Variants in NLGN1 observed in about 807,000 individuals in gnomAD.
The protein encoded by NLGN1 is neuroligin-1.
Under a neutral mutation model 65.5 loss-of-function variants are expected in NLGN1, and 12 were observed. The observed-to-expected ratio is 0.18, with a 90% CI of 0.12 to 0.30. The LOEUF is 0.30. Ranked by LOEUF, NLGN1 falls within the 10% of genes least tolerant of loss-of-function variation. NLGN1 has a pLI of 1.00. For synonymous variants in NLGN1, 350 were observed against 359.5 expected, an observed-to-expected ratio of 0.97 and a Z score of 0.30; for missense variants, 750 against 1,007.1, an observed-to-expected ratio of 0.74 and a Z score of 3.46.
intron 3 of NLGN1, among the ~76,000 whole-genome samples, chr3:173,680,182 G>T (rs1264122026): frequency 6.6e-6 from 1 of 152,060 alleles, no homozygotes; most frequent in Non-Finnish European, 1.5e-5. Context: ...TTCTTAGCGG[G>T]GTAGTGGTAT....
chr3:173,658,529 A>G (rs191275886), intron 3 of NLGN1, among the ~76,000 whole-genome samples: 5 of 152,164 alleles, frequency 3.3e-5, no homozygotes, highest in Non-Finnish European at 5.9e-5. Flanking sequence ...TTAATTTGGA[A>G]ATAGCATAGA....
intron 4 of NLGN1, among the ~76,000 whole-genome samples, chr3:174,013,289 A>G (rs1331935805): frequency 6.6e-6 from 1 of 152,168 alleles, no homozygotes; most frequent in Admixed American, 6.5e-5. Context: ...ATATTTTGTC[A>G]TAAAGACTTT....
At chr3:174,174,199 C>A (rs1286444422) in intron 4 of NLGN1, among the ~76,000 whole-genome samples, 1 of 151,884 alleles carries the variant, frequency 6.6e-6, no homozygotes, top group East Asian at 1.9e-4. Context: ...TATATATATA[C>A]CACAGTTTCT....
At chr3:174,033,755 C>T (rs1180508479) in intron 4 of NLGN1, among the ~76,000 whole-genome samples, 1 of 152,000 alleles carries the variant, frequency 6.6e-6, no homozygotes, top group African/African-American at 2.4e-5. Context: ...ACTTCCAAAA[C>T]TGAAATGCAA....
At chr3:173,969,040 G>T (rs1181387038) in intron 4 of NLGN1, among the ~76,000 whole-genome samples, 1 of 147,962 alleles carries the variant, frequency 6.8e-6, no homozygotes, top group Non-Finnish European at 1.5e-5. Flanking sequence ...TTACTTGGAT[G>T]AGAAAAGAAT....
chr3:174,111,800 C>A (rs1715281291), intron 4 of NLGN1, among the ~76,000 whole-genome samples: 1 of 151,790 alleles, frequency 6.6e-6, no homozygotes. Context: ...TTAAAATAAT[C>A]AATTAAATGA....
chr3:173,759,770 A>G (rs1777687484), intron 3 of NLGN1, among the ~76,000 whole-genome samples: 1 of 151,956 alleles, frequency 6.6e-6, no homozygotes. Context: ...GGATGTCAGC[A>G]TTCTTATCAA....
At chr3:173,403,422 G>A (rs540159809) in intron 1 of NLGN1, among the ~76,000 whole-genome samples, 1 of 152,162 alleles carries the variant, frequency 6.6e-6, no homozygotes, top group African/African-American at 2.4e-5. Context: ...GATAATATGA[G>A]AAATGACTGA....
At chr3:173,772,267 A>T (rs1292405844) in intron 3 of NLGN1, among the ~76,000 whole-genome samples, 4 of 152,102 alleles carry the variant, frequency 2.6e-5, no homozygotes, top group Non-Finnish European at 5.9e-5. Flanking sequence ...TTAAAATCAA[A>T]TTTGTTCACA....
chr3:174,071,011 C>T (rs910586573), intron 4 of NLGN1, among the ~76,000 whole-genome samples: 2 of 151,908 alleles, frequency 1.3e-5, no homozygotes, highest in African/African-American at 2.4e-5. Context: ...GTCATGATCA[C>T]GCCACTGTAC....
intron 3 of NLGN1, among the ~76,000 whole-genome samples, chr3:173,741,963 C>A (rs1160194830): frequency 6.6e-6 from 1 of 152,072 alleles, no homozygotes; most frequent in Non-Finnish European, 1.5e-5. Context: ...GGCCTTCCCA[C>A]CCCCTCTAGG....
chr3:173,465,773 A>G (rs1178921199), intron 2 of NLGN1, among the ~76,000 whole-genome samples: 1 of 152,234 alleles, frequency 6.6e-6, no homozygotes, highest in South Asian at 2.1e-4. Flanking sequence ...AAAATATGGT[A>G]GAACATGCAG....
intron 3 of NLGN1, among the ~76,000 whole-genome samples, chr3:173,730,844 G>GAGC (rs1311986906): frequency 6.6e-6 from 1 of 152,012 alleles, no homozygotes; most frequent in African/African-American, 2.4e-5. Context: ...CATCAGATTT[G>GAGC]AGCACCTGTA....
intron 4 of NLGN1, among the ~76,000 whole-genome samples, chr3:174,256,157 A>C (rs554309931): frequency 8.7e-4 from 132 of 152,254 alleles, no homozygotes; most frequent in African/African-American, 3.1e-3. Flanking sequence ...TTATTTATTT[A>C]TTATTTCATG....
intron 1 of NLGN1, among the ~76,000 whole-genome samples, chr3:173,402,792 A>T (rs923297023): frequency 6.6e-6 from 1 of 152,196 alleles, no homozygotes; most frequent in Admixed American, 6.5e-5. Flanking sequence ...TGCCTGAATG[A>T]CTAAAACTAT....
At chr3:173,690,809 T>C (rs995707005) in intron 3 of NLGN1, among the ~76,000 whole-genome samples, 1 of 152,148 alleles carries the variant, frequency 6.6e-6, no homozygotes, top group African/African-American at 2.4e-5. Context: ...ATGTGACTAA[T>C]TATAGTTTGT....
intron 3 of NLGN1, among the ~76,000 whole-genome samples, chr3:173,680,110 G>A (rs7617807): frequency 0.043 from 6,564 of 152,104 alleles, 178 homozygotes; most frequent in African/African-American, 0.06. Context: ...AAGAAGATGA[G>A]GGTAGAAATA....
intron 1 of NLGN1, among the ~76,000 whole-genome samples, chr3:173,409,388 G>A (rs1203350852): frequency 6.6e-6 from 1 of 152,140 alleles, no homozygotes; most frequent in Admixed American, 6.5e-5. Flanking sequence ...GGAAAAAACT[G>A]TTCATATTCC....
chr3:173,989,586 T>C (rs966284222), intron 4 of NLGN1, among the ~76,000 whole-genome samples: 4 of 152,202 alleles, frequency 2.6e-5, no homozygotes, highest in African/African-American at 7.2e-5. Context: ...TGTAAATCTC[T>C]GATCTCACTC....
Sources: allele counts gnomAD v4.1 joint callset (sites outside exome capture counted in the v4.1 genomes callset), GRCh38; gene constraint gnomAD v4.1.1; transcripts MANE v1.5; gene names NCBI Gene and HGNC (gene_info 2026-07-23, HGNC 2026-07-21).